The following CSMD1 variants were observed in gnomAD, a reference collection of about 807,000 sequenced individuals.
CSMD1 encodes the protein CUB and sushi domain-containing protein 1.
A neutral mutation model predicts 417.5 loss-of-function variants in CSMD1; 213 were observed. The observed-to-expected ratio is 0.51, with a 90% CI of 0.46 to 0.57. CSMD1 has a LOEUF of 0.57. Among genes scored for constraint, CSMD1 ranks in the 20% least tolerant of loss-of-function variants. CSMD1 has a pLI of 0.00. For missense variants in CSMD1, 6,923 were observed against 4,529.7 expected, an observed-to-expected ratio of 1.53 and a Z score of -15.17; for synonymous variants, 2,862 against 1,736.8, an observed-to-expected ratio of 1.65 and a Z score of -16.11.
intron 46 of CSMD1, among the ~76,000 whole-genome samples, chr8:3,105,323 T>C (rs1816059580): frequency 1.3e-5 from 2 of 152,190 alleles, no homozygotes; most frequent in Admixed American, 6.5e-5. Context: ...CCCTAAGGAA[T>C]GACAATAGTT....
At chr8:4,212,548 T>A (rs1461345886) in intron 3 of CSMD1, among the ~76,000 whole-genome samples, 1 of 152,012 alleles carries the variant, frequency 6.6e-6, no homozygotes, top group Non-Finnish European at 1.5e-5. Context: ...GTAGCCTTTT[T>A]TTTTCTAAAA....
chr8:3,518,651 A>G (rs965795471), intron 10 of CSMD1, among the ~76,000 whole-genome samples: 3 of 152,176 alleles, frequency 2.0e-5, no homozygotes, highest in Admixed American at 2.0e-4. Flanking sequence ...AGGAAGAAAC[A>G]AATAAAACAA....
intron 3 of CSMD1, among the ~76,000 whole-genome samples, chr8:4,347,279 C>G (rs948319683): frequency 6.6e-6 from 1 of 152,064 alleles, no homozygotes; most frequent in South Asian, 2.1e-4. Context: ...CTCACCTTGG[C>G]CCTCTCTAAA....
chr8:4,046,704 T>C (rs566334107), intron 3 of CSMD1, among the ~76,000 whole-genome samples: 1 of 152,350 alleles, frequency 6.6e-6, no homozygotes, highest in South Asian at 2.1e-4. Context: ...AGGATGTAGA[T>C]ATTATTTAAA....
At chr8:3,652,269 T>G (rs13279737) in intron 7 of CSMD1, among the ~76,000 whole-genome samples, 1 of 150,592 alleles carries the variant, frequency 6.6e-6, no homozygotes, top group Non-Finnish European at 1.5e-5. Context: ...CCACCATCAG[T>G]GCGCTTACCA....
At chr8:3,307,615 T>C (rs1804977639) in intron 25 of CSMD1, 80 bp downstream of exon 25, 22 of 1,428,742 alleles carry the variant, frequency 1.5e-5, no homozygotes, top group Non-Finnish European at 2.1e-5. Context: ...CATGGATATT[T>C]GGTGTACCAC....
intron 3 of CSMD1, among the ~76,000 whole-genome samples, chr8:4,130,845 T>G (rs1803058356): frequency 6.6e-6 from 1 of 151,366 alleles, no homozygotes; most frequent in African/African-American, 2.4e-5. Context: ...CTATATTATA[T>G]ATATATTATT....
At chr8:3,426,386 G>T (rs974682652) in intron 12 of CSMD1, among the ~76,000 whole-genome samples, 1 of 152,040 alleles carries the variant, frequency 6.6e-6, no homozygotes, top group African/African-American at 2.4e-5. Context: ...TCCCCTTTTG[G>T]ATCTAATTTA....
At chr8:4,385,339 G>A (rs1371918619) in intron 3 of CSMD1, among the ~76,000 whole-genome samples, 1 of 152,148 alleles carries the variant, frequency 6.6e-6, no homozygotes, top group Non-Finnish European at 1.5e-5. Flanking sequence ...CCTAAAACGG[G>A]CCCTTCACTG....
At chr8:4,425,933 T>C (rs1797524703) in intron 2 of CSMD1, among the ~76,000 whole-genome samples, 1 of 152,046 alleles carries the variant, frequency 6.6e-6, no homozygotes, top group Admixed American at 6.6e-5. Context: ...TTACAAAAAA[T>C]ACAAGCATGC....
intron 33 of CSMD1, among the ~76,000 whole-genome samples, chr8:3,191,688 G>A (rs186579012): frequency 6.6e-6 from 1 of 152,126 alleles, no homozygotes; most frequent in Non-Finnish European, 1.5e-5. Context: ...ACCATCTACA[G>A]GAGATATTCC....
chr8:3,118,526 C>G lies in CSMD1; in HGVS notation c.6303G>C (p.Ser2101=). The change falls in exon 42 of 70, where the codon TCG becomes TCC. Residue 2101 remains serine (S), a synonymous_variant. Coordinates refer to ENST00000635120, the MANE Select transcript of CSMD1 (RefSeq NM_033225.6). ...PPFQNGYMIN[S]DYSVGQSVSF... ...ATACTGATTGCCCCACGCTGTAATC[C>G]GAGTTGATCATGTACCCATTCTGAA... The G allele has an allele frequency of 1.1e-5, 18 of 1,613,798 alleles. No homozygotes were observed. Among genetic ancestry groups the G allele is most frequent in the Non-Finnish European group, 1.4e-5 (17 of 1,179,838 alleles).
chr8:3,621,234 G>A (rs73493620), intron 7 of CSMD1, among the ~76,000 whole-genome samples: 1,949 of 152,216 alleles, frequency 0.013, 46 homozygotes, highest in African/African-American at 0.045. Flanking sequence ...TTTTATGGCA[G>A]CCCTCGAAAA....
At chr8:4,430,626 CTCTT>C (rs965793803) in intron 2 of CSMD1, among the ~76,000 whole-genome samples, 2 of 151,932 alleles carry the variant, frequency 1.3e-5, no homozygotes, top group African/African-American at 4.8e-5. Flanking sequence ...TCAACTGATC[CTCTT>C]TTTTTTAATC....
At chr8:3,507,832 T>G (rs956392967) in intron 10 of CSMD1, among the ~76,000 whole-genome samples, 1 of 152,216 alleles carries the variant, frequency 6.6e-6, no homozygotes, top group African/African-American at 2.4e-5. Context: ...TCATATCCTT[T>G]GCCCACTTTT....
chr8:4,813,803 C>A (rs1443054088), intron 1 of CSMD1, among the ~76,000 whole-genome samples: 3 of 152,142 alleles, frequency 2.0e-5, no homozygotes, highest in Non-Finnish European at 1.5e-5. Flanking sequence ...CTAGGGTTGC[C>A]ATCGAATTTC....
intron 2 of CSMD1, among the ~76,000 whole-genome samples, chr8:4,630,730 G>T (rs1485706285): frequency 1.3e-5 from 2 of 152,184 alleles, no homozygotes; most frequent in East Asian, 1.9e-4. Context: ...CCTCACTAAG[G>T]TACAATAACC....
intron 3 of CSMD1, among the ~76,000 whole-genome samples, chr8:4,049,206 CTATT>C (rs779536983): frequency 5.3e-5 from 8 of 152,094 alleles, no homozygotes; most frequent in Non-Finnish European, 1.2e-4. Flanking sequence ...CTTTCTCTAT[CTATT>C]CTGATACCAT....
At chr8:3,703,352 C>A (rs1585102048) in intron 7 of CSMD1, among the ~76,000 whole-genome samples, 1 of 152,120 alleles carries the variant, frequency 6.6e-6, no homozygotes, top group East Asian at 1.9e-4. Flanking sequence ...AAGCAAAATT[C>A]ACAAAAGACT....
Sources: gnomAD v4.1 joint callset for allele counts (sites outside exome capture counted in the v4.1 genomes callset) on GRCh38, gnomAD v4.1.1 for gene constraint, MANE v1.5 for transcripts, NCBI Gene and HGNC (gene_info 2026-07-23, HGNC 2026-07-21) for gene names.